SUPT3H: variants seen among roughly 807,000 people sequenced by gnomAD.
SUPT3H encodes SPT3 homolog, SAGA and STAGA complex component, also known as transcription initiation protein SPT3 homolog.
A neutral mutation model predicts 44.3 loss-of-function variants in SUPT3H; 44 were observed. The observed-to-expected ratio is 0.99, with a 90% CI of 0.78 to 1.28. The LOEUF (loss-of-function observed/expected upper bound fraction) is 1.28, where lower values mean the gene tolerates loss of function less well. Among genes scored for constraint, SUPT3H ranks in the 50% most tolerant of loss-of-function variants. SUPT3H has a pLI of 0.00. For synonymous variants in SUPT3H, 124 were observed against 125.6 expected (o/e 0.99, Z 0.09); for missense variants, 380 against 387.1 (o/e 0.98, Z 0.15).
chr6:44,893,572 C>T lies in SUPT3H; in HGVS notation c.912+39081G>A, dbSNP rs572443384. Among the ~76,000 whole-genome samples the T allele has an allele frequency of 1.8e-4, 27 of 152,344 alleles. No homozygotes were observed. The East Asian group carries it at 2.9e-3, about 16-fold the overall frequency. ...GAACTCATCATTTTTTATGGCTGCACAGTATTCCATGGTATATATGTGCCA... is the reference window on the plus strand; with the variant it reads ...GAACTCATCATTTTTTATGGCTGCATAGTATTCCATGGTATATATGTGCCA... On this transcript the variant is annotated intron_variant, in intron 10 of 10. Transcript: ENST00000371459.
At chr6:45,162,963 G>A (rs1809273280) in intron 2 of SUPT3H, among the ~76,000 whole-genome samples, 1 of 152,090 alleles carries the variant, frequency 6.6e-6, no homozygotes. Flanking sequence ...AGATCTGTAG[G>A]GTGTGAAGTG....
At chr6:45,297,342 G>A (rs182437213) in intron 2 of SUPT3H, among the ~76,000 whole-genome samples, 35 of 152,274 alleles carry the variant, frequency 2.3e-4, no homozygotes, top group Admixed American at 2.2e-3. Flanking sequence ...TTAATAAAGT[G>A]CAGAATAGTA....
chr6:45,375,125 T>C (rs528972099), intron 1 of SUPT3H, among the ~76,000 whole-genome samples: 1 of 152,302 alleles, frequency 6.6e-6, no homozygotes, highest in African/African-American at 2.4e-5. Flanking sequence ...GAGAATCGCT[T>C]GAACCCAGGA....
intron 2 of SUPT3H, among the ~76,000 whole-genome samples, chr6:45,322,420 T>C (rs936767340): frequency 4.8e-4 from 73 of 151,262 alleles, no homozygotes; most frequent in African/African-American, 1.6e-3. Context: ...TATGAATATT[T>C]TAACATTTCT....
intron 2 of SUPT3H, among the ~76,000 whole-genome samples, chr6:45,145,105 C>A (rs775864703): frequency 6.6e-6 from 1 of 152,026 alleles, no homozygotes; most frequent in South Asian, 2.1e-4. Flanking sequence ...AAGCAATCTA[C>A]AAATTCAATG....
chr6:44,832,695 A>T (rs925386656), intron 10 of SUPT3H, among the ~76,000 whole-genome samples: 1 of 151,866 alleles, frequency 6.6e-6, no homozygotes, highest in Non-Finnish European at 1.5e-5. Flanking sequence ...CATAGTTCCC[A>T]TTTTTTTTAA....
At chr6:45,211,118 A>G (rs1406651243) in intron 2 of SUPT3H, among the ~76,000 whole-genome samples, 1 of 152,228 alleles carries the variant, frequency 6.6e-6, no homozygotes, top group Non-Finnish European at 1.5e-5. Context: ...GAAGAAAAAA[A>G]TTTTAATGAG....
intron 6 of SUPT3H, among the ~76,000 whole-genome samples, chr6:44,991,733 A>G (rs1051500000): frequency 1.5e-4 from 23 of 152,186 alleles, no homozygotes; most frequent in Admixed American, 1.4e-3. Context: ...GGCAACAATA[A>G]GAATTAAACT....
chr6:45,208,436 G>T (rs1763544347), intron 2 of SUPT3H, among the ~76,000 whole-genome samples: 1 of 152,128 alleles, frequency 6.6e-6, no homozygotes, highest in South Asian at 2.1e-4. Context: ...TACAAAAAAA[G>T]AGATTCTTGA....
intron 10 of SUPT3H, among the ~76,000 whole-genome samples, chr6:44,846,252 T>C (rs1450123022): frequency 6.6e-6 from 1 of 152,230 alleles, no homozygotes; most frequent in African/African-American, 2.4e-5. Context: ...GCTCTGTAAC[T>C]TTAGGCTTGT....
At chr6:45,006,737 C>T (rs1023868616) in intron 5 of SUPT3H, among the ~76,000 whole-genome samples, 2 of 152,008 alleles carry the variant, frequency 1.3e-5, no homozygotes, top group African/African-American at 4.8e-5. Flanking sequence ...TTTACTTCAC[C>T]CCTTCTCCAT....
At chr6:45,065,375 A>G (rs1793079701) in intron 3 of SUPT3H, among the ~76,000 whole-genome samples, 1 of 140,578 alleles carries the variant, frequency 7.1e-6, no homozygotes, top group Admixed American at 7.1e-5. Context: ...TCCAAAATTG[A>G]CACCCTAACA....
At chr6:45,109,393 C>T (rs1799731688) in intron 2 of SUPT3H, among the ~76,000 whole-genome samples, 1 of 151,938 alleles carries the variant, frequency 6.6e-6, no homozygotes. Context: ...ATTGGCTTAA[C>T]CATAAAACTA....
At chr6:45,043,142 T>TATACACACAC (rs1788815847) in intron 3 of SUPT3H, among the ~76,000 whole-genome samples, 1 of 146,768 alleles carries the variant, frequency 6.8e-6, no homozygotes, top group Admixed American at 6.8e-5. Flanking sequence ...CATACACACA[T>TATACACACAC]ACACACACAC....
chr6:44,907,108 A>T (rs1298514188), intron 10 of SUPT3H, among the ~76,000 whole-genome samples: 1 of 152,238 alleles, frequency 6.6e-6, no homozygotes, highest in Non-Finnish European at 1.5e-5. Context: ...TTGTTATTTT[A>T]AAGAAATATG....
chr6:44,993,014 T>C (rs1370357956), intron 6 of SUPT3H, among the ~76,000 whole-genome samples: 2 of 151,736 alleles, frequency 1.3e-5, no homozygotes, highest in African/African-American at 2.4e-5. Flanking sequence ...AATATGAAAA[T>C]TTGGTGGGTG....
intron 10 of SUPT3H, among the ~76,000 whole-genome samples, chr6:44,915,582 A>T (rs577437733): frequency 3.3e-5 from 5 of 152,264 alleles, no homozygotes; most frequent in Non-Finnish European, 7.4e-5. Flanking sequence ...CAGCATTAAC[A>T]TCAACACAGA....
At chr6:45,100,578 C>T (rs1240890298) in intron 3 of SUPT3H, among the ~76,000 whole-genome samples, 1 of 96,680 alleles carries the variant, frequency 1.0e-5, no homozygotes, top group Non-Finnish European at 2.1e-5. Flanking sequence ...ACACAAATAG[C>T]CCACAGTACA....
At chr6:44,896,415 A>G (rs6923519) in intron 10 of SUPT3H, among the ~76,000 whole-genome samples, 63,692 of 151,962 alleles carry the variant, frequency 0.42, 13,721 homozygotes, top group East Asian at 0.7. Context: ...AGAAGGCACT[A>G]TTATTGGTCA....
Sources: allele counts gnomAD v4.1 joint callset (sites outside exome capture counted in the v4.1 genomes callset), GRCh38; gene constraint gnomAD v4.1.1; transcripts MANE v1.5; gene names NCBI Gene and HGNC (gene_info 2026-07-23, HGNC 2026-07-21).